NRG1: variants seen among roughly 807,000 people sequenced by gnomAD.
The protein encoded by NRG1 is neuregulin 1.
A neutral mutation model predicts 63.8 loss-of-function variants in NRG1; 18 were observed. The ratio of observed to expected loss-of-function variants is 0.28; its 90% CI spans 0.19 to 0.42. NRG1 has a LOEUF of 0.42. Ranked by LOEUF, NRG1 falls within the 10% of genes least tolerant of loss-of-function variation. The pLI, the probability that NRG1 is intolerant of heterozygous loss-of-function variation, is 1.00. For missense variants in NRG1, 762 were observed against 814.7 expected (o/e 0.94, Z 0.79); for synonymous variants, 302 against 301.3 (o/e 1.00, Z -0.02).
chr8:32,238,175 G>A (rs970933397), intron 1 of NRG1, among the ~76,000 whole-genome samples: 7 of 152,058 alleles, frequency 4.6e-5, no homozygotes, highest in African/African-American at 1.4e-4. Flanking sequence ...AAATCCTTTA[G>A]GAGGGGGCCA....
At chr8:32,176,951 C>T (rs1169457735) in intron 1 of NRG1, among the ~76,000 whole-genome samples, 5 of 152,056 alleles carry the variant, frequency 3.3e-5, no homozygotes, top group Non-Finnish European at 4.4e-5. Context: ...CTAGAAATAC[C>T]ATTTGACCCA....
intron 1 of NRG1, among the ~76,000 whole-genome samples, chr8:31,982,591 A>G (rs1462895): frequency 0.66 from 99,870 of 151,824 alleles, 36,278 homozygotes; most frequent in Non-Finnish European, 0.82. Context: ...GTTTGTTGGG[A>G]ATGATGACTC....
Position 32,366,691 on chromosome 8 carries a change from A to G in NRG1, c.38-229137A>G, listed in dbSNP as rs1246544247. ...TGTGTGTGTGTGTATATATATATAT[A>G]TATATATATATATATATATATATCT... On this transcript the variant is annotated intron_variant, in intron 1 of 10. Transcript: ENST00000519301. 5.4e-3 allele frequency among the ~76,000 whole-genome samples: 228 copies of G among 42,106 alleles called. 1 individual carries two copies. Among genetic ancestry groups the G allele is most frequent in the African/African-American group, 9.5e-3 (182 of 19,196 alleles). 27.6% of individuals were successfully genotyped at this position (42,106 alleles called of 152,430 possible).
chr8:31,929,502 T>C (rs1834689619), intron 1 of NRG1, among the ~76,000 whole-genome samples: 2 of 151,948 alleles, frequency 1.3e-5, no homozygotes, highest in Non-Finnish European at 2.9e-5. Context: ...TAATATATAT[T>C]CTTACATAAT....
At chr8:32,100,886 C>T (rs16878805) in intron 1 of NRG1, among the ~76,000 whole-genome samples, 5,673 of 152,164 alleles carry the variant, frequency 0.037, 185 homozygotes, top group African/African-American at 0.086. Context: ...AATAATAATG[C>T]GCCATGGTAT....
chr8:31,901,167 G>T (rs1325584444), intron 1 of NRG1, among the ~76,000 whole-genome samples: 1 of 152,130 alleles, frequency 6.6e-6, no homozygotes, highest in Admixed American at 6.5e-5. Flanking sequence ...GAATTTTGGG[G>T]TTTGTAAAAG....
intron 1 of NRG1, among the ~76,000 whole-genome samples, chr8:31,788,888 AGG>A (rs1820427752): frequency 6.6e-6 from 1 of 152,354 alleles, no homozygotes; most frequent in South Asian, 2.1e-4. Context: ...TCTTATAGTG[AGG>A]CAGTATAACA....
intron 1 of NRG1, among the ~76,000 whole-genome samples, chr8:31,871,158 G>A (rs1445233164): frequency 6.6e-6 from 1 of 151,966 alleles, no homozygotes; most frequent in Non-Finnish European, 1.5e-5. Flanking sequence ...TGTGTTTTTA[G>A]TAGAGATGGG....
At chr8:32,077,533 T>G (rs1488807038) in intron 1 of NRG1, among the ~76,000 whole-genome samples, 6 of 152,256 alleles carry the variant, frequency 3.9e-5, no homozygotes, top group Non-Finnish European at 7.3e-5. Flanking sequence ...TGATCATGGT[T>G]AAGGTTCTTC....
chr8:32,670,123 A>G (rs1028203207), intron 5 of NRG1, among the ~76,000 whole-genome samples: 1 of 152,146 alleles, frequency 6.6e-6, no homozygotes, highest in African/African-American at 2.4e-5. Context: ...AGGGGTTTTC[A>G]CTTTTAATTA....
intron 1 of NRG1, among the ~76,000 whole-genome samples, chr8:31,773,887 T>G (rs988614291): frequency 6.6e-6 from 1 of 152,208 alleles, no homozygotes; most frequent in African/African-American, 2.4e-5. Flanking sequence ...TGTATCATAG[T>G]AATTTACGTA....
intron 1 of NRG1, among the ~76,000 whole-genome samples, chr8:32,559,879 A>G (rs1588306198): frequency 1.3e-5 from 2 of 151,658 alleles, no homozygotes; most frequent in East Asian, 3.9e-4. Context: ...ACCATTAGCC[A>G]GGCATGGTGG....
At chr8:32,117,283 A>G (rs963785563) in intron 1 of NRG1, among the ~76,000 whole-genome samples, 1 of 152,160 alleles carries the variant, frequency 6.6e-6, no homozygotes, top group African/African-American at 2.4e-5. Context: ...TTTCACGCAG[A>G]TATTTGTTAT....
intron 1 of NRG1, among the ~76,000 whole-genome samples, chr8:32,255,623 C>T (rs373750004): frequency 1.3e-5 from 2 of 152,222 alleles, no homozygotes; most frequent in African/African-American, 4.8e-5. Context: ...TGACCTTTCT[C>T]TCTGGCTGCC....
chr8:32,498,121 C>T (rs963872339), intron 1 of NRG1, among the ~76,000 whole-genome samples: 3 of 152,092 alleles, frequency 2.0e-5, no homozygotes, highest in Non-Finnish European at 4.4e-5. Flanking sequence ...CTGTGCCCGG[C>T]CCCACAATTT....
intron 1 of NRG1, among the ~76,000 whole-genome samples, chr8:31,787,087 T>A (rs1338382430): frequency 6.6e-6 from 1 of 152,160 alleles, no homozygotes; most frequent in Non-Finnish European, 1.5e-5. Context: ...AAATACATAG[T>A]TTGGAGGCTC....
intron 1 of NRG1, among the ~76,000 whole-genome samples, chr8:31,764,802 A>C (rs900126892): frequency 2.0e-5 from 3 of 151,662 alleles, no homozygotes; most frequent in Non-Finnish European, 4.4e-5. Context: ...GGTTAGTTAC[A>C]TATGTATACA....
At chr8:31,652,051 A>G (rs984672201) in intron 1 of NRG1, among the ~76,000 whole-genome samples, 4 of 152,202 alleles carry the variant, frequency 2.6e-5, no homozygotes, top group Non-Finnish European at 4.4e-5. Context: ...CCTCACTGCT[A>G]GTATGATCAC....
chr8:32,316,203 C>T (rs965481796), intron 1 of NRG1, among the ~76,000 whole-genome samples: 8 of 152,252 alleles, frequency 5.3e-5, no homozygotes, highest in African/African-American at 1.4e-4. Context: ...AGGGACCGGG[C>T]GCGGTGGCTC....
Sources: allele counts gnomAD v4.1 joint callset (sites outside exome capture counted in the v4.1 genomes callset), GRCh38; gene constraint gnomAD v4.1.1; transcripts MANE v1.5; gene names NCBI Gene and HGNC (gene_info 2026-07-23, HGNC 2026-07-21).